The following LINGO2 variants were observed in gnomAD, a reference collection of about 807,000 sequenced individuals.
LINGO2 encodes the protein leucine rich repeat and Ig domain containing 2.
LINGO2 carries 14 observed loss-of-function variants against 30.6 expected under a neutral mutation model. The ratio of observed to expected loss-of-function variants is 0.46; its 90% CI spans 0.30 to 0.72. The LOEUF is 0.72. Among genes scored for constraint, LINGO2 ranks in the 30% least tolerant of loss-of-function variants. The pLI, the probability that LINGO2 is intolerant of heterozygous loss-of-function variation, is 0.07. For synonymous variants in LINGO2, 317 were observed against 288.5 expected (o/e 1.10, Z -1.00); for missense variants, 729 against 751.7 (o/e 0.97, Z 0.35).
At chr9:28,607,016 T>C (rs1037114808) in intron 1 of LINGO2, among the ~76,000 whole-genome samples, 1 of 152,088 alleles carries the variant, frequency 6.6e-6, no homozygotes, top group Non-Finnish European at 1.5e-5. Context: ...AGCAAATCAA[T>C]TGAAACATTC....
chr9:28,959,793 T>C, the LINGO2 span, among the ~76,000 whole-genome samples: 11 of 152,262 alleles, frequency 7.2e-5, no homozygotes, highest in South Asian at 1.2e-3. Context: ...AGTATAAATG[T>C]CATCTAGACA....
chr9:28,046,759 C>T (rs573939329), intron 4 of LINGO2, among the ~76,000 whole-genome samples: 80 of 148,602 alleles, frequency 5.4e-4, no homozygotes, highest in Non-Finnish European at 6.8e-4. Context: ...ACGATATTGT[C>T]CCCTGATGCA....
intron 4 of LINGO2, among the ~76,000 whole-genome samples, chr9:28,203,140 C>T (rs1054485089): frequency 6.6e-6 from 1 of 152,120 alleles, no homozygotes; most frequent in Non-Finnish European, 1.5e-5. Flanking sequence ...TAGCAATATG[C>T]AGTGAACTAA....
chr9:28,048,345 CA>C (rs1366518038), intron 4 of LINGO2, among the ~76,000 whole-genome samples: 2 of 150,738 alleles, frequency 1.3e-5, no homozygotes, highest in East Asian at 3.9e-4. Flanking sequence ...AACTAAAATT[CA>C]GAAGGAAATC....
intron 1 of LINGO2, among the ~76,000 whole-genome samples, chr9:28,620,994 C>A (rs1299284661): frequency 6.6e-6 from 1 of 151,962 alleles, no homozygotes; most frequent in African/African-American, 2.4e-5. Flanking sequence ...GTTATAAAAA[C>A]CAGTGGAAGG....
At chr9:28,672,394 C>A (rs57231956), upstream of LINGO2, among the ~76,000 whole-genome samples, 1,243 of 152,232 alleles carry the variant, frequency 8.2e-3, 24 homozygotes, top group African/African-American at 0.029. Flanking sequence ...AAATTCACAG[C>A]AAACAACTCT....
the LINGO2 span, chr9:27,938,912 G>A: frequency 3.9e-5 from 6 of 152,254 alleles, no homozygotes; most frequent in African/African-American, 1.4e-4. Context: ...AACAAAGCTA[G>A]AGAAATCTGA....
At position 28,067,084 on chromosome 9, in the gene LINGO2, C is replaced by T. The variant is rs192489458; in HGVS notation, c.-86-54679G>A. 3.1e-4 allele frequency among the ~76,000 whole-genome samples: 47 copies of T among 152,226 alleles called. 1 individual carries two copies. In the East Asian group the frequency reaches 7.3e-3, roughly 24 times the overall value. On this transcript the variant is annotated intron_variant, in intron 4 of 5. Transcript: ENST00000379992. ...GATATGGAATATGAACTCTGGTCCTCTTATTTTATGCCAGCACTCAAAGTT... is the reference window on the plus strand; with the variant it reads ...GATATGGAATATGAACTCTGGTCCTTTTATTTTATGCCAGCACTCAAAGTT...
intron 1 of LINGO2, among the ~76,000 whole-genome samples, chr9:28,667,336 A>C (rs546466933): frequency 6.6e-6 from 1 of 152,260 alleles, no homozygotes; most frequent in East Asian, 1.9e-4. Flanking sequence ...ACAGCTATAA[A>C]ATCTAATCTC....
At chr9:28,243,080 C>T (rs1310864260) in intron 4 of LINGO2, among the ~76,000 whole-genome samples, 1 of 152,042 alleles carries the variant, frequency 6.6e-6, no homozygotes, top group Non-Finnish European at 1.5e-5. Flanking sequence ...TGCAAAATAA[C>T]CAGCTAGCAT....
the LINGO2 span, among the ~76,000 whole-genome samples, chr9:29,031,236 T>C: frequency 7.0e-6 from 1 of 143,404 alleles, no homozygotes; most frequent in Non-Finnish European, 1.5e-5. Context: ...TAATAGCACA[T>C]AGTAACAAAG....
the LINGO2 span, among the ~76,000 whole-genome samples, chr9:29,108,749 C>G: frequency 9.9e-5 from 15 of 152,176 alleles, no homozygotes; most frequent in African/African-American, 3.4e-4. Context: ...ATGAGCTTGA[C>G]TACAGGAAGA....
intron 3 of LINGO2, among the ~76,000 whole-genome samples, chr9:28,356,004 C>T (rs1361275976): frequency 6.6e-6 from 1 of 152,082 alleles, no homozygotes; most frequent in Non-Finnish European, 1.5e-5. Flanking sequence ...ACACTTACAG[C>T]ATTTAGTTAG....
the LINGO2 span, among the ~76,000 whole-genome samples, chr9:28,864,031 G>C: frequency 6.6e-6 from 1 of 152,078 alleles, no homozygotes; most frequent in African/African-American, 2.4e-5. Context: ...TATTAATATA[G>C]ATGTCAGGAG....
chr9:28,833,284 A>G, the LINGO2 span, among the ~76,000 whole-genome samples: 6 of 152,182 alleles, frequency 3.9e-5, no homozygotes, highest in African/African-American at 1.4e-4. Context: ...AGAATGTGGA[A>G]CTAATCATGA....
At chr9:28,348,168 C>T (rs1197909965) in intron 3 of LINGO2, among the ~76,000 whole-genome samples, 1 of 152,104 alleles carries the variant, frequency 6.6e-6, no homozygotes, top group Non-Finnish European at 1.5e-5. Context: ...ATAGGAACAG[C>T]TCCAGTCTAC....
chr9:29,207,855 C>T, the LINGO2 span, among the ~76,000 whole-genome samples: 1 of 151,930 alleles, frequency 6.6e-6, no homozygotes, highest in African/African-American at 2.4e-5. Flanking sequence ...CCTAGCGAAC[C>T]TCATATTTTA....
At chr9:29,127,771 G>C in the LINGO2 span, among the ~76,000 whole-genome samples, 1 of 152,086 alleles carries the variant, frequency 6.6e-6, no homozygotes, top group African/African-American at 2.4e-5. Flanking sequence ...ACTCTTTTCT[G>C]TCTTTCCTGG....
At chr9:28,344,176 T>A (rs968417450) in intron 3 of LINGO2, among the ~76,000 whole-genome samples, 25 of 152,138 alleles carry the variant, frequency 1.6e-4, no homozygotes, top group Admixed American at 1.6e-3. Flanking sequence ...TGACCCTACA[T>A]AATTATTCAC....
Sources: allele counts gnomAD v4.1 joint callset (sites outside exome capture counted in the v4.1 genomes callset), GRCh38; gene constraint gnomAD v4.1.1; transcripts MANE v1.5; gene names NCBI Gene and HGNC (gene_info 2026-07-23, HGNC 2026-07-21).